The following CLEC9A variants were observed in gnomAD, a reference collection of about 807,000 sequenced individuals.
CLEC9A encodes the protein C-type lectin domain family 9 member A.
Under a neutral mutation model 30.0 loss-of-function variants are expected in CLEC9A, and 24 were observed. The ratio of observed to expected loss-of-function variants is 0.80; its 90% CI spans 0.58 to 1.13. The LOEUF is 1.13. CLEC9A is among the 50% of genes most tolerant of loss of function. The probability of loss-of-function intolerance (pLI) is 0.00; values close to 1 mark genes in which losing one functional copy is unlikely to be tolerated. For synonymous variants in CLEC9A, 111 were observed against 96.8 expected (o/e 1.15, Z -0.86); for missense variants, 251 against 280.9 (o/e 0.89, Z 0.76).
intron 1 of CLEC9A, among the ~76,000 whole-genome samples, chr12:10,035,812 A>G (rs1457715106): frequency 6.6e-6 from 1 of 152,136 alleles, no homozygotes; most frequent in Non-Finnish European, 1.5e-5. Flanking sequence ...ACCATGTTGC[A>G]CAAGGTGATC....
intron 5 of CLEC9A, 148 bp from the exon 6 acceptor site, chr12:10,060,979 C>A: frequency 1.1e-6 from 1 of 917,566 alleles, no homozygotes; most frequent in East Asian, 3.0e-5. Flanking sequence ...GATTCTTGTA[C>A]AATGTAAATT....
At chr12:10,059,807 C>T (rs1865979957) in intron 5 of CLEC9A, among the ~76,000 whole-genome samples, 1 of 152,048 alleles carries the variant, frequency 6.6e-6, no homozygotes, top group Admixed American at 6.5e-5. Flanking sequence ...AAATCAATAT[C>T]TGACAAAGGA....
At chr12:10,038,146 A>T (rs1046015301) in intron 1 of CLEC9A, among the ~76,000 whole-genome samples, 4 of 152,116 alleles carry the variant, frequency 2.6e-5, no homozygotes, top group Admixed American at 2.6e-4. Flanking sequence ...TGGGATTTTA[A>T]TTTTTTTTAA....
rs776209759 is a variant in CLEC9A at position 10,061,204 on chromosome 12, G to A, written c.250G>A (p.Glu84Lys). 2.5e-6 allele frequency: 4 copies of A among 1,612,666 alleles called. No homozygotes were observed. In the East Asian group the frequency reaches 6.7e-5, roughly 27 times the overall value. ...QQERALLNFT[E>K]WKRSCALQMK... ...AGAGAGGGCACTGCTAAACTTTACA[G>A]AATGGAAGAGAAGCTGTGCCCTTCA... Residue 84 changes from glutamate to lysine, a missense_variant, in exon 6 of 9, where the codon GAA (glutamate) becomes AAA (lysine). Physicochemically the swap from Glu to Lys is moderately conservative, Grantham distance 56. Coordinates refer to ENST00000355819, the MANE Select transcript of CLEC9A (RefSeq NM_207345.4).
chr12:10,065,536 C>T lies in CLEC9A; in HGVS notation c.630C>T (p.Val210=). Residue 210 remains valine (V), a synonymous_variant, in exon 9 of 9, where the codon GTC becomes GTT. Coordinates refer to ENST00000355819, the MANE Select transcript of CLEC9A (RefSeq NM_207345.4). ...AGAGATCCCAGTCAGCTAACCAAGT[C>T]TGTGGATACGTGAAAAGCAATTCCC... ...PAERSQSANQ[V]CGYVKSNSLL... 2 of 1,613,940 alleles carry T rather than the reference C, an allele frequency of 1.2e-6. No homozygotes were observed. Among genetic ancestry groups the T allele is most frequent in the Admixed American group, 3.3e-5 (2 of 59,980 alleles).
Position 10,030,909 on chromosome 12 carries a change from G to C in CLEC9A, c.-381G>C, listed in dbSNP as rs1192901199. 6.6e-6 allele frequency: 1 copy of C among 152,134 alleles called. No individual in the cohort carries two copies. Among genetic ancestry groups the C allele is most frequent in the Non-Finnish European group, 1.5e-5 (1 of 68,026 alleles). 9.4% of individuals were successfully genotyped at this position (152,134 alleles called of 1,614,324 possible). A position where few individuals can be genotyped will look rare whatever the true frequency, so the allele number is the denominator to read the frequency against. ...ATCTGGGTATTTGATCCACACAATGGTAAAGATTCCCATGTTAGCCAAGAT... is the reference window on the plus strand; with the variant it reads ...ATCTGGGTATTTGATCCACACAATGCTAAAGATTCCCATGTTAGCCAAGAT... On this transcript the variant is annotated 5_prime_UTR_variant, in exon 1 of 9. Transcript: ENST00000355819.
chr12:10,044,429 A>G (rs1440385796), intron 2 of CLEC9A, among the ~76,000 whole-genome samples: 1 of 152,220 alleles, frequency 6.6e-6, no homozygotes, highest in Non-Finnish European at 1.5e-5. Context: ...TTCACAGACC[A>G]TGGGCTTTAT....
rs753123751 is a variant in CLEC9A, at chr12:10,054,296, T to G, written c.117T>G (p.Ile39Met). Residue 39 changes from isoleucine to methionine, a missense_variant, in exon 5 of 9, where the codon ATT becomes ATG. Coordinates refer to ENST00000355819, the MANE Select transcript of CLEC9A (RefSeq NM_207345.4). ...GAGCATGCTGTCTTGTGATGGTGAT[T>G]TCATGTGTTTTCTGCATGGGATTAT... ...CSGACCLVMV[I>M]SCVFCMGLLT... 13 of 1,613,234 alleles carry G rather than the reference T, an allele frequency of 8.1e-6. No individual in the cohort carries two copies. The highest frequency in any genetic ancestry group is 1.0e-5 in the Non-Finnish European group (12 of 1,179,446).
At chr12:10,064,555 A>G (rs1866025868) in intron 7 of CLEC9A, among the ~76,000 whole-genome samples, 177 bp from the exon 8 acceptor site, 1 of 152,178 alleles carries the variant, frequency 6.6e-6, no homozygotes, top group Non-Finnish European at 1.5e-5. Flanking sequence ...GGATCCATAC[A>G]GCAATCGAAA....
In CLEC9A at chr12:10,054,249, A is replaced by G. The variant is rs375296883; in HGVS notation, c.92-22A>G. On this transcript the variant is annotated intron_variant, in intron 4 of 8. Transcript: ENST00000355819. The stretch of plus-strand genomic sequence containing the variant: ...TATCTGCTTTCTCTAACTCGGTATC[A>G]TTTTTCCTATTCTGTGGTTAGGAGC... 12 of 1,588,092 alleles carry G rather than the reference A, an allele frequency of 7.6e-6. No homozygotes were observed. In the African/African-American group the frequency reaches 1.5e-4, roughly 20 times the overall value.
Position 10,054,265 on chromosome 12 carries a change from G to A in CLEC9A, c.92-6G>A, listed in dbSNP as rs765641011. 1.9e-6 allele frequency: 3 copies of A among 1,609,740 alleles called. No homozygotes were observed. Among genetic ancestry groups the A allele is most frequent in the East Asian group, 4.5e-5 (2 of 44,778 alleles). ...CTCGGTATCATTTTTCCTATTCTGT[G>A]GTTAGGAGCATGCTGTCTTGTGATG... is the stretch of plus-strand genomic sequence containing the variant. On this transcript the variant is annotated splice_polypyrimidine_tract_variant and splice_region_variant and intron_variant, in intron 4 of 8. Coordinates refer to ENST00000355819, the MANE Select transcript of CLEC9A (RefSeq NM_207345.4).
At chr12:10,061,370 G>A (rs1487011330) in intron 6 of CLEC9A, 97 bp downstream of exon 6, 3 of 1,247,664 alleles carry the variant, frequency 2.4e-6, no homozygotes, top group Non-Finnish European at 2.2e-6. Context: ...CTGCAAAACT[G>A]TTAGGATTTT....
chr12:10,049,894 A>C (rs540523118), intron 2 of CLEC9A, among the ~76,000 whole-genome samples: 1 of 152,208 alleles, frequency 6.6e-6, no homozygotes, highest in Non-Finnish European at 1.5e-5. Flanking sequence ...GCTGTTTTAC[A>C]TAATAAGCCT....
chr12:10,044,433 GCTTT>G (rs1865827486), intron 2 of CLEC9A, among the ~76,000 whole-genome samples: 1 of 152,148 alleles, frequency 6.6e-6, no homozygotes, highest in East Asian at 1.9e-4. Flanking sequence ...CAGACCATGG[GCTTT>G]ATCTCCTATT....
rs750737966 is a variant in CLEC9A, at chr12:10,065,568, C to T, written c.662C>T (p.Ser221Leu). ...CGYVKSNSLL[S>L]SNCSTWKYFI... ...TACGTGAAAAGCAATTCCCTTCTTT[C>T]GTCTAACTGCAGCACGTGGAAGTAT... The change falls in exon 9 of 9, where the codon TCG becomes TTG. Residue 221 changes from serine (S) to leucine (L), a missense_variant. Coordinates refer to ENST00000355819, the MANE Select transcript of CLEC9A (RefSeq NM_207345.4). 3 of 1,613,934 alleles carry T rather than the reference C, an allele frequency of 1.9e-6. No homozygotes were observed. The highest frequency in any genetic ancestry group is 2.2e-5 in the East Asian group (1 of 44,876).
intron 6 of CLEC9A, 92 bp from the exon 7 acceptor site, chr12:10,062,963 C>G (rs570286372): frequency 1.8e-6 from 2 of 1,120,604 alleles, no homozygotes; most frequent in Non-Finnish European, 2.5e-6. Context: ...GAGATTCAGC[C>G]TCACTGAGGG....
intron 5 of CLEC9A, 84 bp downstream of exon 5, chr12:10,054,435 A>G: frequency 1.2e-6 from 1 of 862,630 alleles, no homozygotes. Flanking sequence ...AAATCAATTC[A>G]TATGTGAATG....
chr12:10,055,940 T>G (rs888551538), intron 5 of CLEC9A, among the ~76,000 whole-genome samples: 2 of 150,486 alleles, frequency 1.3e-5, no homozygotes, highest in Non-Finnish European at 2.9e-5. Context: ...GCGCCTGTAA[T>G]CCTAGCTACT....
rs1395423302 is a variant in CLEC9A at position 10,045,677 on chromosome 12, T to C, written c.-163+4057T>C. On this transcript the variant is annotated intron_variant, in intron 2 of 8. Transcript: ENST00000355819. ...CACAGATAAGGGCTTTATTGCCCAA[T>C]AAAAGTTCTGAATGAAGAAATCAAT... The C allele has an allele frequency of 2.6e-5, 6 of 229,606 alleles. No individual in the cohort carries two copies. In the East Asian group the frequency reaches 5.1e-4, roughly 20 times the overall value. 14.2% of individuals were successfully genotyped at this position (229,606 alleles called of 1,614,324 possible). A position where few individuals can be genotyped will look rare whatever the true frequency, so the allele number is the denominator to read the frequency against.
Sources: allele counts gnomAD v4.1 joint callset (sites outside exome capture counted in the v4.1 genomes callset), GRCh38; gene constraint gnomAD v4.1.1; transcripts MANE v1.5; gene names NCBI Gene and HGNC (gene_info 2026-07-23, HGNC 2026-07-21).